WWOX: variants seen among roughly 807,000 people sequenced by gnomAD.
WWOX encodes the protein WW domain containing oxidoreductase.
In WWOX, 69 loss-of-function variants were observed where a neutral mutation model predicts 46.2. The ratio of observed to expected loss-of-function variants is 1.49; its 90% CI spans 1.23 to 1.82. The LOEUF (loss-of-function observed/expected upper bound fraction) is 1.82, where lower values mean the gene tolerates loss of function less well. WWOX is among the 40% of genes most tolerant of loss of function. The pLI, the probability that WWOX is intolerant of heterozygous loss-of-function variation, is 0.00. For missense variants in WWOX, 919 were observed against 542.6 expected, an observed-to-expected ratio of 1.69 and a Z score of -6.89; for synonymous variants, 359 against 202.6, an observed-to-expected ratio of 1.77 and a Z score of -6.56.
chr16:78,886,505 G>C (rs1486518267), intron 8 of WWOX, among the ~76,000 whole-genome samples: 3 of 151,636 alleles, frequency 2.0e-5, no homozygotes, highest in Non-Finnish European at 2.9e-5. Flanking sequence ...TTCCGTATCT[G>C]ATCTTCAGAG....
intron 8 of WWOX, among the ~76,000 whole-genome samples, chr16:78,781,102 A>G (rs963167741): frequency 6.6e-6 from 1 of 152,182 alleles, no homozygotes; most frequent in Non-Finnish European, 1.5e-5. Flanking sequence ...TTCTAGAGCC[A>G]AACAAATGCT....
At chr16:78,771,318 C>G (rs2050059744) in intron 8 of WWOX, among the ~76,000 whole-genome samples, 1 of 152,110 alleles carries the variant, frequency 6.6e-6, no homozygotes, top group African/African-American at 2.4e-5. Context: ...GTGATCCAAC[C>G]CCCAGCTTCT....
In WWOX at chr16:78,943,365, A is replaced by C. The variant is rs995957621; in HGVS notation, c.1057-268243A>C. Among the ~76,000 whole-genome samples, 7 of 152,172 alleles carry C rather than the reference A, an allele frequency of 4.6e-5. No homozygotes were observed. In the East Asian group the frequency reaches 9.7e-4, roughly 21 times the overall value. On this transcript the variant is annotated intron_variant, in intron 8 of 8. Transcript: ENST00000566780. ...GGCATTCAAGATTACACTCTTATTC[A>C]CTAACTGTTCATCTCCTCCGACTGC...
At chr16:78,184,116 C>T (rs1012377694) in intron 5 of WWOX, among the ~76,000 whole-genome samples, 2 of 152,118 alleles carry the variant, frequency 1.3e-5, no homozygotes, top group East Asian at 1.9e-4. Context: ...CTTCCTTCCA[C>T]CATATCAGAA....
chr16:78,379,922 C>G (rs530723764), intron 5 of WWOX, among the ~76,000 whole-genome samples: 4 of 152,066 alleles, frequency 2.6e-5, no homozygotes, highest in Non-Finnish European at 5.9e-5. Flanking sequence ...TTTGAAGTGT[C>G]GGAAGGATGG....
chr16:78,249,269 C>T (rs1740359203), intron 5 of WWOX, among the ~76,000 whole-genome samples: 1 of 152,172 alleles, frequency 6.6e-6, no homozygotes, highest in Non-Finnish European at 1.5e-5. Flanking sequence ...GCCTCCAGAG[C>T]TGCAGGCATT....
At chr16:78,890,121 A>C (rs1291819670) in intron 8 of WWOX, 1 of 152,140 alleles carries the variant, frequency 6.6e-6, no homozygotes, top group Non-Finnish European at 1.5e-5. Flanking sequence ...ACACATACAC[A>C]CATTTTTTCC....
chr16:78,582,957 T>C (rs933606321), intron 8 of WWOX, among the ~76,000 whole-genome samples: 2 of 152,310 alleles, frequency 1.3e-5, no homozygotes, highest in African/African-American at 4.8e-5. Flanking sequence ...GGCATCACAG[T>C]CTCATGACAG....
intron 4 of WWOX, among the ~76,000 whole-genome samples, chr16:78,152,150 A>T (rs2034435272): frequency 6.6e-6 from 1 of 151,656 alleles, no homozygotes; most frequent in South Asian, 2.1e-4. Flanking sequence ...AGATCGCGCC[A>T]CTGCACTCCA....
At chr16:78,991,853 C>T (rs577744736) in intron 8 of WWOX, among the ~76,000 whole-genome samples, 5 of 152,234 alleles carry the variant, frequency 3.3e-5, no homozygotes, top group Admixed American at 2.6e-4. Flanking sequence ...CTTCAGACTC[C>T]TGTCCATGTG....
intron 5 of WWOX, among the ~76,000 whole-genome samples, chr16:78,209,735 A>G (rs1597355036): frequency 1.6e-5 from 1 of 61,516 alleles, no homozygotes; most frequent in Non-Finnish European, 2.8e-5. Context: ...GGGCTTGCGG[A>G]GATTAAAAAA....
At chr16:78,540,748 A>G (rs535309417) in intron 8 of WWOX, among the ~76,000 whole-genome samples, 2 of 152,162 alleles carry the variant, frequency 1.3e-5, no homozygotes, top group East Asian at 1.9e-4. Context: ...GTGCAGTGAC[A>G]TGATCATAAC....
At chr16:78,643,830 A>C (rs2046779774) in intron 8 of WWOX, among the ~76,000 whole-genome samples, 1 of 151,642 alleles carries the variant, frequency 6.6e-6, no homozygotes, top group African/African-American at 2.4e-5. Context: ...TAACTCCAAA[A>C]AAAAAAAAAA....
At position 78,106,402 on chromosome 16, in the gene WWOX, G is replaced by C. The variant is rs2032144897; in HGVS notation, c.108-2021G>C. 2.0e-5 allele frequency among the ~76,000 whole-genome samples: 3 copies of C among 146,532 alleles called. No homozygotes were observed. In the Admixed American group the frequency reaches 2.1e-4, roughly 10 times the overall value. On this transcript the variant is annotated intron_variant, in intron 1 of 8. Transcript: ENST00000566780. ...GTTATCCTTACTAGAGAGCCAGAGA[G>C]TCAGAACGGTTTTTTTTTGTTTTTT...
At chr16:78,141,748 G>A (rs375934172) in intron 4 of WWOX, among the ~76,000 whole-genome samples, 1 of 151,950 alleles carries the variant, frequency 6.6e-6, no homozygotes, top group African/African-American at 2.4e-5. Context: ...CTTTTTCATT[G>A]TAATGGTTTT....
chr16:78,991,270 C>T (rs1365512636), intron 8 of WWOX, among the ~76,000 whole-genome samples: 1 of 152,120 alleles, frequency 6.6e-6, no homozygotes, highest in Non-Finnish European at 1.5e-5. Flanking sequence ...GGCAATGAGA[C>T]AGCAAGCTTG....
chr16:78,686,434 C>T (rs990471627), intron 8 of WWOX, among the ~76,000 whole-genome samples: 1 of 151,990 alleles, frequency 6.6e-6, no homozygotes, highest in Admixed American at 6.6e-5. Context: ...TGGTGTCAAC[C>T]CGGGAGGTGG....
intron 8 of WWOX, among the ~76,000 whole-genome samples, chr16:78,961,604 G>A (rs1269192729): frequency 6.6e-6 from 1 of 151,972 alleles, no homozygotes; most frequent in South Asian, 2.1e-4. Flanking sequence ...ATAAATGAAA[G>A]GCTTGTTCTT....
intron 8 of WWOX, among the ~76,000 whole-genome samples, chr16:78,450,142 A>G (rs974528506): frequency 2.6e-5 from 4 of 152,186 alleles, no homozygotes; most frequent in Non-Finnish European, 4.4e-5. Context: ...AAAATGTATA[A>G]TAAAGTATCT....
Sources: allele counts gnomAD v4.1 joint callset (sites outside exome capture counted in the v4.1 genomes callset), GRCh38; gene constraint gnomAD v4.1.1; transcripts MANE v1.5; gene names NCBI Gene and HGNC (gene_info 2026-07-23, HGNC 2026-07-21).